The following KHDRBS2 variants were observed in gnomAD, a reference collection of about 807,000 sequenced individuals.
KHDRBS2 encodes KH RNA binding domain containing, signal transduction associated 2.
KHDRBS2 carries 26 observed loss-of-function variants against 44.3 expected under a neutral mutation model. The observed-to-expected ratio is 0.59, with a 90% confidence interval of 0.43 to 0.81. The LOEUF is 0.81. Ranked by LOEUF, KHDRBS2 falls within the 40% of genes least tolerant of loss-of-function variation. The pLI, the probability that KHDRBS2 is intolerant of heterozygous loss-of-function variation, is 0.00. For missense variants in KHDRBS2, 476 were observed against 433.1 expected, an observed-to-expected ratio of 1.10 and a Z score of -0.88; for synonymous variants, 194 against 151.1, an observed-to-expected ratio of 1.28 and a Z score of -2.08.
chr6:61,662,552 G>GA, the KHDRBS2 span, among the ~76,000 whole-genome samples: 6 of 151,406 alleles, frequency 4.0e-5, no homozygotes, highest in African/African-American at 1.5e-4. Context: ...AAATTTACAA[G>GA]AAAAAAAACA....
chr6:61,647,513 C>T, the KHDRBS2 span, among the ~76,000 whole-genome samples: 1 of 152,128 alleles, frequency 6.6e-6, no homozygotes, highest in Admixed American at 6.5e-5. Context: ...AGATATGAAT[C>T]GTCTTCAGTT....
At chr6:62,167,023 C>T (rs1419455199) in intron 2 of KHDRBS2, among the ~76,000 whole-genome samples, 1 of 152,036 alleles carries the variant, frequency 6.6e-6, no homozygotes, top group African/African-American at 2.4e-5. Flanking sequence ...CGGGTTTGGA[C>T]ATTTTTCAAA....
the KHDRBS2 span, among the ~76,000 whole-genome samples, chr6:61,575,386 G>A: frequency 1.3e-5 from 2 of 151,986 alleles, no homozygotes; most frequent in Admixed American, 6.5e-5. Context: ...CTAATTATCA[G>A]GGAAATGCAA....
At chr6:61,584,269 G>T in the KHDRBS2 span, among the ~76,000 whole-genome samples, 2 of 151,776 alleles carry the variant, frequency 1.3e-5, no homozygotes, top group Non-Finnish European at 3.0e-5. Flanking sequence ...AGTGATGAAA[G>T]TATACAACCT....
intron 2 of KHDRBS2, among the ~76,000 whole-genome samples, chr6:62,067,147 T>C (rs1212677411): frequency 6.6e-6 from 1 of 151,574 alleles, no homozygotes. Context: ...GGTTACTTTT[T>C]ACCCAATTCC....
chr6:61,556,726 T>G, the KHDRBS2 span, among the ~76,000 whole-genome samples: 1 of 152,146 alleles, frequency 6.6e-6, no homozygotes, highest in Admixed American at 6.5e-5. Context: ...TTCTGGGAAC[T>G]TTGGTGTCTG....
At chr6:62,029,989 G>A (rs1784052051) in intron 3 of KHDRBS2, among the ~76,000 whole-genome samples, 1 of 151,958 alleles carries the variant, frequency 6.6e-6, no homozygotes, top group South Asian at 2.1e-4. Flanking sequence ...TAGAGGAAAA[G>A]ACCATTTAGA....
intron 1 of KHDRBS2, among the ~76,000 whole-genome samples, chr6:62,203,131 G>A (rs568092603): frequency 6.6e-6 from 1 of 152,266 alleles, no homozygotes; most frequent in Non-Finnish European, 1.5e-5. Context: ...AGCGTGGGAG[G>A]AGAGTGGAGA....
At chr6:61,745,573 A>G (rs906002261) in intron 6 of KHDRBS2, among the ~76,000 whole-genome samples, 2 of 152,170 alleles carry the variant, frequency 1.3e-5, no homozygotes, top group African/African-American at 4.8e-5. Context: ...CTTCTAATAC[A>G]CTCACCAGAA....
chr6:61,925,049 TC>T (rs1562452464), intron 4 of KHDRBS2, among the ~76,000 whole-genome samples: 1 of 152,186 alleles, frequency 6.6e-6, no homozygotes, highest in Non-Finnish European at 1.5e-5. Context: ...TTAATGACCA[TC>T]TTTTTTATAC....
Position 61,790,858 on chromosome 6 carries a change from G to A in KHDRBS2, c.811-58094C>T, listed in dbSNP as rs375187617. On this transcript the variant is annotated intron_variant, in intron 6 of 8. Coordinates refer to ENST00000281156, the MANE Select transcript of KHDRBS2 (RefSeq NM_152688.4). Reference sequence around the variant, plus strand: ...AAACATTGGCATTTATTATTTGAATGTATAACATAACACATCAGTGAAGTC... The same window carrying A: ...AAACATTGGCATTTATTATTTGAATATATAACATAACACATCAGTGAAGTC... Among the ~76,000 whole-genome samples the A allele has an allele frequency of 2.6e-4, 40 of 151,520 alleles. No homozygotes were observed. The East Asian group carries it at 4.3e-3, about 16-fold the overall frequency.
At chr6:61,849,524 A>G (rs1230053872) in intron 6 of KHDRBS2, among the ~76,000 whole-genome samples, 1 of 152,150 alleles carries the variant, frequency 6.6e-6, no homozygotes, top group Non-Finnish European at 1.5e-5. Flanking sequence ...CTCTTTAATG[A>G]GTTCTAAAAT....
At chr6:61,985,910 G>A (rs1218631139) in intron 3 of KHDRBS2, among the ~76,000 whole-genome samples, 1 of 151,984 alleles carries the variant, frequency 6.6e-6, no homozygotes, top group East Asian at 1.9e-4. Flanking sequence ...TATTATTTAA[G>A]CATCTACAGT....
the KHDRBS2 span, among the ~76,000 whole-genome samples, chr6:61,544,365 A>T: frequency 6.6e-6 from 1 of 152,136 alleles, no homozygotes; most frequent in African/African-American, 2.4e-5. Context: ...AGTCTTATGG[A>T]ACCGTTAATC....
chr6:61,701,175 C>A (rs1270034942), intron 7 of KHDRBS2, among the ~76,000 whole-genome samples: 1 of 151,852 alleles, frequency 6.6e-6, no homozygotes, highest in Non-Finnish European at 1.5e-5. Context: ...AAATGTTGAA[C>A]AAAGCCCAAC....
intron 2 of KHDRBS2, among the ~76,000 whole-genome samples, chr6:62,087,226 A>C (rs6917322): frequency 0.024 from 3,724 of 152,210 alleles, 162 homozygotes; most frequent in African/African-American, 0.084. Flanking sequence ...ATGAAAGCAT[A>C]CCAGAAGGAT....
intron 1 of KHDRBS2, among the ~76,000 whole-genome samples, chr6:62,272,775 T>C (rs559529446): frequency 6.6e-6 from 1 of 151,844 alleles, no homozygotes; most frequent in South Asian, 2.1e-4. Context: ...ATAAAAGGAG[T>C]CAGAATTAAT....
chr6:62,095,671 A>G (rs964759015), intron 2 of KHDRBS2, among the ~76,000 whole-genome samples: 1 of 151,956 alleles, frequency 6.6e-6, no homozygotes, highest in African/African-American at 2.4e-5. Context: ...AAACAGGGAC[A>G]ATCTAACTTT....
chr6:61,665,842 A>G, the KHDRBS2 span, among the ~76,000 whole-genome samples: 1 of 151,032 alleles, frequency 6.6e-6, no homozygotes, highest in East Asian at 2.0e-4. Flanking sequence ...ATAGTTATCA[A>G]CAAATTAATA....
Sources: allele counts gnomAD v4.1 joint callset (sites outside exome capture counted in the v4.1 genomes callset), GRCh38; gene constraint gnomAD v4.1.1; transcripts MANE v1.5; gene names NCBI Gene and HGNC (gene_info 2026-07-23, HGNC 2026-07-21).